BMPR1A: variants seen among roughly 807,000 people sequenced by gnomAD.
The protein encoded by BMPR1A is bone morphogenetic protein receptor type 1A.
BMPR1A carries 7 observed loss-of-function variants against 66.0 expected under a neutral mutation model. That is an observed-to-expected ratio of 0.11 (90% CI 0.06 to 0.20). The LOEUF (loss-of-function observed/expected upper bound fraction) is 0.20. BMPR1A is among the 10% of genes least tolerant of loss of function. The pLI is 1.00. For synonymous variants in BMPR1A, 200 were observed against 229.7 expected, an observed-to-expected ratio of 0.87 and a Z score of 1.17; for missense variants, 408 against 669.1, an observed-to-expected ratio of 0.61 and a Z score of 4.31.
intron 1 of BMPR1A, among the ~76,000 whole-genome samples, chr10:86,781,101 G>T (rs191031700): frequency 6.6e-6 from 1 of 152,064 alleles, no homozygotes; most frequent in Admixed American, 6.6e-5. Flanking sequence ...TGATCCGCCC[G>T]CCTTGGCCTC....
chr10:86,872,546 ATAACT>A (rs1166819867), intron 2 of BMPR1A, among the ~76,000 whole-genome samples: 4 of 152,258 alleles, frequency 2.6e-5, no homozygotes, highest in East Asian at 3.8e-4. Context: ...TGATGGTTTG[ATAACT>A]TAATATATGC....
At chr10:86,853,078 A>G (rs943401480) in intron 2 of BMPR1A, among the ~76,000 whole-genome samples, 17 of 152,358 alleles carry the variant, frequency 1.1e-4, no homozygotes, top group African/African-American at 3.6e-4. Context: ...TACAGAAGAA[A>G]GTCTTAAAAA....
intron 3 of BMPR1A, among the ~76,000 whole-genome samples, chr10:86,882,620 T>A (rs1418110722): frequency 6.0e-5 from 9 of 148,984 alleles, no homozygotes; most frequent in Non-Finnish European, 1.2e-4. Context: ...GCTATGAGAA[T>A]ATATTGTTGT....
chr10:86,865,192 A>G (rs182162967), intron 2 of BMPR1A, among the ~76,000 whole-genome samples: 71 of 152,240 alleles, frequency 4.7e-4, no homozygotes, highest in Admixed American at 1.6e-3. Context: ...CCACCACAAA[A>G]GAAGTGTAAA....
At chr10:86,872,349 A>G (rs1319130151) in intron 2 of BMPR1A, among the ~76,000 whole-genome samples, 1 of 152,222 alleles carries the variant, frequency 6.6e-6, no homozygotes, top group East Asian at 1.9e-4. Context: ...TATAATATAT[A>G]TAAAATCAGG....
At chr10:86,812,749 A>G (rs1841988350) in intron 1 of BMPR1A, among the ~76,000 whole-genome samples, 1 of 152,102 alleles carries the variant, frequency 6.6e-6, no homozygotes, top group African/African-American at 2.4e-5. Flanking sequence ...CCCACTCTCA[A>G]CATCCCCCAC....
chr10:86,849,973 A>G (rs959486572), intron 2 of BMPR1A, among the ~76,000 whole-genome samples: 9 of 152,172 alleles, frequency 5.9e-5, no homozygotes, highest in Admixed American at 2.0e-4. Context: ...GCATCCAGAA[A>G]GCATCTTGCT....
intron 1 of BMPR1A, among the ~76,000 whole-genome samples, chr10:86,770,665 C>G (rs1841243177): frequency 6.6e-6 from 1 of 152,088 alleles, no homozygotes; most frequent in Non-Finnish European, 1.5e-5. Context: ...CTCTCTTGGA[C>G]TGGGTGCACC....
intron 2 of BMPR1A, among the ~76,000 whole-genome samples, chr10:86,874,928 C>T (rs1169705005): frequency 1.3e-5 from 2 of 150,030 alleles, no homozygotes; most frequent in East Asian, 2.0e-4. Flanking sequence ...TTTCACCATG[C>T]TGGCCAGGCT....
intron 1 of BMPR1A, among the ~76,000 whole-genome samples, chr10:86,774,545 T>G (rs1377726694): frequency 6.6e-6 from 1 of 152,158 alleles, no homozygotes; most frequent in Non-Finnish European, 1.5e-5. Flanking sequence ...ACACAAAGAT[T>G]TTTAGAGGAA....
At chr10:86,792,051 T>C (rs1841635374) in intron 1 of BMPR1A, among the ~76,000 whole-genome samples, 1 of 148,460 alleles carries the variant, frequency 6.7e-6, no homozygotes, top group Non-Finnish European at 1.5e-5. Flanking sequence ...ATGTTGTTAA[T>C]TACTGTCAGA....
intron 2 of BMPR1A, among the ~76,000 whole-genome samples, chr10:86,873,496 T>C (rs961340140): frequency 2.0e-5 from 3 of 150,628 alleles, no homozygotes; most frequent in African/African-American, 7.3e-5. Context: ...AAGTGAAAAT[T>C]TGGGGAGGGG....
chr10:86,910,412 C>T (rs1589287727), intron 7 of BMPR1A, among the ~76,000 whole-genome samples: 1 of 152,124 alleles, frequency 6.6e-6, no homozygotes, highest in African/African-American at 2.4e-5. Context: ...GGAATACTAT[C>T]TAGCCATTAA....
intron 1 of BMPR1A, among the ~76,000 whole-genome samples, chr10:86,808,204 A>G (rs1451031091): frequency 6.6e-6 from 1 of 152,158 alleles, no homozygotes; most frequent in South Asian, 2.1e-4. Context: ...ATGTTTGTTC[A>G]TAATATTCCT....
chr10:86,850,298 G>T (rs1366792686), intron 2 of BMPR1A, among the ~76,000 whole-genome samples: 1 of 150,818 alleles, frequency 6.6e-6, no homozygotes, highest in East Asian at 2.0e-4. Flanking sequence ...TCCAGCCTGG[G>T]TGACAGAGCG....
chr10:86,896,628 T>C (rs1240253895), intron 5 of BMPR1A, among the ~76,000 whole-genome samples: 1 of 152,206 alleles, frequency 6.6e-6, no homozygotes, highest in African/African-American at 2.4e-5. Flanking sequence ...ATGATGATAA[T>C]GGGTATCAAA....
chr10:86,812,814 G>A (rs939454110), intron 1 of BMPR1A, among the ~76,000 whole-genome samples: 8 of 151,904 alleles, frequency 5.3e-5, no homozygotes, highest in Non-Finnish European at 1.2e-4. Context: ...TCCTTATTAC[G>A]CAAAGTCTTT....
chr10:86,815,103 T>C (rs978480401), intron 1 of BMPR1A, among the ~76,000 whole-genome samples: 4 of 152,200 alleles, frequency 2.6e-5, no homozygotes, highest in Non-Finnish European at 5.9e-5. Flanking sequence ...TTTCTTATAA[T>C]AACTTCTATG....
In BMPR1A at chr10:86,826,442, C is replaced by A. The variant is rs572218910; in HGVS notation, c.-267-12423C>A. Among the ~76,000 whole-genome samples the A allele has an allele frequency of 1.1e-3, 109 of 95,952 alleles. 1 individual carries two copies. Among genetic ancestry groups the A allele is most frequent in the African/African-American group, 3.6e-3 (94 of 25,768 alleles). 62.9% of individuals were successfully genotyped at this position (95,952 alleles called of 152,430 possible). A position where few individuals can be genotyped will look rare whatever the true frequency, so the allele number is the denominator to read the frequency against. On this transcript the variant is annotated intron_variant, in intron 1 of 12. Transcript: ENST00000372037. ...CACACACACACACACACACACACACCCGCTTTTGGCTGTCATATTTCTTTA... is the reference window on the plus strand; with the variant it reads ...CACACACACACACACACACACACACACGCTTTTGGCTGTCATATTTCTTTA...
Sources: allele counts gnomAD v4.1 joint callset (sites outside exome capture counted in the v4.1 genomes callset), GRCh38; gene constraint gnomAD v4.1.1; transcripts MANE v1.5; gene names NCBI Gene and HGNC (gene_info 2026-07-23, HGNC 2026-07-21).